The following ITFG1 variants were observed in gnomAD, a reference collection of about 807,000 sequenced individuals.
ITFG1 encodes the protein T-cell immunomodulatory protein.
ITFG1 carries 34 observed loss-of-function variants against 81.8 expected under a neutral mutation model. That is an observed-to-expected ratio of 0.42 (90% CI 0.32 to 0.55). The LOEUF (loss-of-function observed/expected upper bound fraction) is 0.55, where lower values mean the gene tolerates loss of function less well. ITFG1 is among the 20% of genes least tolerant of loss of function. ITFG1 has a pLI of 0.17. For missense variants in ITFG1, 672 were observed against 755.4 expected, an observed-to-expected ratio of 0.89 and a Z score of 1.29; for synonymous variants, 285 against 270.6, an observed-to-expected ratio of 1.05 and a Z score of -0.52.
At chr16:47,278,513 T>C (rs1966420559) in intron 10 of ITFG1, among the ~76,000 whole-genome samples, 1 of 152,158 alleles carries the variant, frequency 6.6e-6, no homozygotes, top group African/African-American at 2.4e-5. Flanking sequence ...GTCCAGGCAG[T>C]ATGCAAGAGA....
rs1164079736 is a variant in ITFG1 at position 47,229,952 on chromosome 16, G to T, written c.1374+8013C>A. Among the ~76,000 whole-genome samples the T allele has an allele frequency of 2.6e-5, 4 of 152,188 alleles. No individual in the cohort carries two copies. In the East Asian group the frequency reaches 7.7e-4, roughly 29 times the overall value. On this transcript the variant is annotated intron_variant, in intron 13 of 17. Transcript: ENST00000320640. ...AAATATTCACATAACTTTTATTACA[G>T]TATATTGTTATAACTGTTCTATTTT...
chr16:47,167,562 G>T (rs949340583), intron 14 of ITFG1, among the ~76,000 whole-genome samples: 1 of 150,830 alleles, frequency 6.6e-6, no homozygotes, highest in Non-Finnish European at 1.5e-5. Flanking sequence ...ACTCCTGCCC[G>T]CCAGAGAACA....
chr16:47,330,714 T>G (rs945144198), intron 8 of ITFG1, among the ~76,000 whole-genome samples: 1 of 151,866 alleles, frequency 6.6e-6, no homozygotes, highest in Non-Finnish European at 1.5e-5. Context: ...CCGACAAACA[T>G]GAAAAAATGC....
rs150367604 is a variant in ITFG1, at chr16:47,200,071, G to C, written c.1453+18797C>G. Among the ~76,000 whole-genome samples, 211 of 152,004 alleles carry C rather than the reference G, an allele frequency of 1.4e-3. 1 individual carries two copies. Among genetic ancestry groups the C allele is most frequent in the Middle Eastern group, 3.4e-3 (1 of 294 alleles). ...GTTTGCCTGCTGTTCACCTCCTGCT[G>C]TGTGGCCCCTTTCCTACCAGGCCAG... On this transcript the variant is annotated intron_variant, in intron 14 of 17. Transcript: ENST00000320640.
intron 8 of ITFG1, among the ~76,000 whole-genome samples, chr16:47,340,025 C>T (rs370087604): frequency 5.3e-5 from 8 of 152,132 alleles, no homozygotes; most frequent in South Asian, 2.1e-4. Context: ...CCATCAGAAA[C>T]GACAGAGGCC....
chr16:47,401,699 T>C (rs952103221), intron 6 of ITFG1, among the ~76,000 whole-genome samples: 8 of 152,166 alleles, frequency 5.3e-5, no homozygotes, highest in African/African-American at 1.9e-4. Context: ...TTAAAATCAA[T>C]TTTGAAAATT....
At chr16:47,344,643 C>T (rs527479508) in intron 8 of ITFG1, among the ~76,000 whole-genome samples, 10 of 152,288 alleles carry the variant, frequency 6.6e-5, no homozygotes, top group African/African-American at 2.4e-4. Context: ...TTTGTGGGTA[C>T]ATAGTAGGCA....
chr16:47,389,824 C>T (rs1283132972), intron 6 of ITFG1, among the ~76,000 whole-genome samples: 1 of 152,058 alleles, frequency 6.6e-6, no homozygotes, highest in Non-Finnish European at 1.5e-5. Context: ...TAAGATGTTA[C>T]AATAGAAAAT....
chr16:47,336,730 G>A (rs961064518), intron 8 of ITFG1, among the ~76,000 whole-genome samples: 2 of 152,060 alleles, frequency 1.3e-5, no homozygotes, highest in Admixed American at 1.3e-4. Context: ...TTGGGAGGCC[G>A]AGGAGGCGGG....
At chr16:47,378,722 G>GA in intron 6 of ITFG1, among the ~76,000 whole-genome samples, 1 of 151,894 alleles carries the variant, frequency 6.6e-6, no homozygotes, top group African/African-American at 2.4e-5. Context: ...AAGGGGCATA[G>GA]AAAAAATAAA....
chr16:47,320,070 T>C (rs1355613327), intron 8 of ITFG1, among the ~76,000 whole-genome samples: 1 of 152,192 alleles, frequency 6.6e-6, no homozygotes, highest in Non-Finnish European at 1.5e-5. Context: ...TATGGGCGTG[T>C]GCCACCACGC....
chr16:47,346,722 A>C (rs1165131936), intron 8 of ITFG1, among the ~76,000 whole-genome samples: 5 of 152,222 alleles, frequency 3.3e-5, no homozygotes, highest in African/African-American at 1.2e-4. Flanking sequence ...ATGACGAAAT[A>C]TAGAAAATTT....
chr16:47,218,518 T>C (rs1965652723), intron 14 of ITFG1: 1 of 154,232 alleles, frequency 6.5e-6, no homozygotes, highest in African/African-American at 2.5e-5. Context: ...ATTAATTGGA[T>C]TCTTAATTTA....
At position 47,220,592 on chromosome 16, in the gene ITFG1, G is replaced by T. The variant is rs554413652; in HGVS notation, c.1375-1646C>A. On this transcript the variant is annotated intron_variant, in intron 13 of 17. Coordinates refer to ENST00000320640, the MANE Select transcript of ITFG1 (RefSeq NM_030790.5). Reference sequence around the variant, plus strand: ...TTCCCAATACTTAAGAAACTGTTCTGAGGCAATCAGTGGTAATATTAACAA... The same window carrying T: ...TTCCCAATACTTAAGAAACTGTTCTTAGGCAATCAGTGGTAATATTAACAA... Among the ~76,000 whole-genome samples the T allele has an allele frequency of 2.0e-5, 3 of 152,268 alleles. No individual in the cohort carries two copies. In the South Asian group the frequency reaches 6.2e-4, roughly 32 times the overall value.
chr16:47,390,112 G>C (rs1230766170), intron 6 of ITFG1, among the ~76,000 whole-genome samples: 1 of 152,214 alleles, frequency 6.6e-6, no homozygotes, highest in Non-Finnish European at 1.5e-5. Flanking sequence ...GATGTGTATG[G>C]AGAAGCATTC....
chr16:47,393,357 C>T (rs1968555467), intron 6 of ITFG1, among the ~76,000 whole-genome samples: 1 of 152,140 alleles, frequency 6.6e-6, no homozygotes, highest in Non-Finnish European at 1.5e-5. Context: ...GCACCATACA[C>T]TATCCAAGGG....
chr16:47,456,837 A>AC, intron 2 of ITFG1, among the ~76,000 whole-genome samples: 1 of 152,288 alleles, frequency 6.6e-6, no homozygotes, highest in South Asian at 2.1e-4. Flanking sequence ...GAAATTCCCC[A>AC]CATAGTAAGT....
chr16:47,395,976 CAT>C (rs1372733384), intron 6 of ITFG1: 1 of 157,416 alleles, frequency 6.4e-6, no homozygotes, highest in Non-Finnish European at 1.4e-5. Flanking sequence ...TGCTAAATGT[CAT>C]ATCAGTCTCT....
chr16:47,438,437 A>G (rs1263342123), intron 5 of ITFG1, among the ~76,000 whole-genome samples: 2 of 152,164 alleles, frequency 1.3e-5, no homozygotes, highest in Non-Finnish European at 2.9e-5. Context: ...GGCACCCCCC[A>G]GTAGGGGTGG....
Sources: allele counts gnomAD v4.1 joint callset (sites outside exome capture counted in the v4.1 genomes callset), GRCh38; gene constraint gnomAD v4.1.1; transcripts MANE v1.5; gene names NCBI Gene and HGNC (gene_info 2026-07-23, HGNC 2026-07-21).